Variants in ATRNL1 observed in about 807,000 individuals in gnomAD.
The protein encoded by ATRNL1 is attractin like 1, also known as attractin-like protein 1.
A neutral mutation model predicts 182.7 loss-of-function variants in ATRNL1; 95 were observed. That is an observed-to-expected ratio of 0.52 (90% confidence interval 0.44 to 0.62). The LOEUF is 0.62. Among genes scored for constraint, ATRNL1 ranks in the 20% least tolerant of loss-of-function variants. The probability of loss-of-function intolerance (pLI) is 0.00; values close to 1 mark genes in which losing one functional copy is unlikely to be tolerated. For missense variants in ATRNL1, 1,471 were observed against 1,679.5 expected (o/e 0.88, Z 2.17); for synonymous variants, 576 against 568.3 (o/e 1.01, Z -0.19).
At chr10:115,874,105 G>A (rs1951646337) in intron 28 of ATRNL1, among the ~76,000 whole-genome samples, 1 of 152,114 alleles carries the variant, frequency 6.6e-6, no homozygotes, top group East Asian at 1.9e-4. Context: ...GTCAACTTGG[G>A]GAAAGTCATG....
chr10:115,236,452 C>A (rs1554901439), intron 9 of ATRNL1, among the ~76,000 whole-genome samples: 1 of 152,140 alleles, frequency 6.6e-6, no homozygotes, highest in Non-Finnish European at 1.5e-5. Context: ...TTTTATGCTT[C>A]ATACATTACA....
chr10:115,623,649 A>T (rs74452884), intron 26 of ATRNL1, among the ~76,000 whole-genome samples: 6,788 of 152,226 alleles, frequency 0.045, 466 homozygotes, highest in African/African-American at 0.15. Flanking sequence ...AAAAATTTTT[A>T]AAAAATTAAA....
chr10:115,214,067 C>CACACACAT (rs1297035795), intron 8 of ATRNL1, among the ~76,000 whole-genome samples: 59 of 150,122 alleles, frequency 3.9e-4, no homozygotes, highest in African/African-American at 1.3e-3. Context: ...CACACACACA[C>CACACACAT]ATATATATAA....
chr10:115,249,286 G>C (rs907784226), intron 10 of ATRNL1, among the ~76,000 whole-genome samples: 1 of 152,018 alleles, frequency 6.6e-6, no homozygotes, highest in African/African-American at 2.4e-5. Flanking sequence ...GAGCCACCGT[G>C]CCTGGCCAAA....
At chr10:115,320,372 T>C (rs1854521461) in intron 18 of ATRNL1, among the ~76,000 whole-genome samples, 1 of 152,104 alleles carries the variant, frequency 6.6e-6, no homozygotes, top group Non-Finnish European at 1.5e-5. Context: ...TTATGTGTCT[T>C]TGGTTGATCT....
At chr10:115,447,974 T>C (rs565077691) in intron 21 of ATRNL1, among the ~76,000 whole-genome samples, 1 of 152,196 alleles carries the variant, frequency 6.6e-6, no homozygotes, top group African/African-American at 2.4e-5. Context: ...TTGCATTTTC[T>C]TTATGACTAA....
chr10:115,592,342 C>T (rs1460463782), intron 26 of ATRNL1, among the ~76,000 whole-genome samples: 2 of 152,108 alleles, frequency 1.3e-5, no homozygotes, highest in Admixed American at 6.6e-5. Flanking sequence ...AACAAGAGAT[C>T]GCCAGTGATG....
intron 24 of ATRNL1, among the ~76,000 whole-genome samples, chr10:115,491,149 C>T (rs1849281148): frequency 6.6e-6 from 1 of 152,134 alleles, no homozygotes; most frequent in Non-Finnish European, 1.5e-5. Flanking sequence ...CCAGAGCTCT[C>T]CTGTATGAGG....
intron 27 of ATRNL1, among the ~76,000 whole-genome samples, chr10:115,789,344 G>A (rs1355400882): frequency 6.6e-6 from 1 of 152,136 alleles, no homozygotes; most frequent in Non-Finnish European, 1.5e-5. Flanking sequence ...GAGAAAGTTG[G>A]TACTGTATCT....
At chr10:115,583,816 C>G (rs1364365152) in intron 26 of ATRNL1, among the ~76,000 whole-genome samples, 2 of 150,348 alleles carry the variant, frequency 1.3e-5, no homozygotes, top group Non-Finnish European at 3.0e-5. Flanking sequence ...AGAGGGCATC[C>G]CTGTCTTGTG....
intron 1 of ATRNL1, among the ~76,000 whole-genome samples, chr10:115,110,260 CT>C (rs1844200805): frequency 6.6e-6 from 1 of 152,116 alleles, no homozygotes; most frequent in South Asian, 2.1e-4. Context: ...TTTTCTTACT[CT>C]AATCACATGA....
rs150888807 is a variant in ATRNL1, at chr10:115,877,997, C to T, written c.4018+30006C>T. Among the ~76,000 whole-genome samples, 552 of 152,254 alleles carry T rather than the reference C, an allele frequency of 3.6e-3. 5 individuals are homozygous for T. The highest frequency in any genetic ancestry group is 0.012 in the African/African-American group (496 of 41,546). On this transcript the variant is annotated intron_variant, in intron 28 of 28. Coordinates refer to ENST00000355044, the MANE Select transcript of ATRNL1 (RefSeq NM_207303.4). ...TCTGCAGTATCCTTCCCTCTTAAGA[C>T]GACTCCCAGATCAGAGGGGAGCAGC...
At chr10:115,186,186 C>G (rs1341140582) in intron 8 of ATRNL1, among the ~76,000 whole-genome samples, 1 of 151,868 alleles carries the variant, frequency 6.6e-6, no homozygotes, top group South Asian at 2.1e-4. Flanking sequence ...AGACATTTCT[C>G]AAAGAAGACA....
At chr10:115,844,515 A>AT (rs1213620657) in intron 27 of ATRNL1, among the ~76,000 whole-genome samples, 1 of 152,000 alleles carries the variant, frequency 6.6e-6, no homozygotes, top group South Asian at 2.1e-4. Context: ...CTCTGGTAAC[A>AT]TTTTTTTCTG....
intron 5 of ATRNL1, among the ~76,000 whole-genome samples, chr10:115,136,455 C>T (rs1157302164): frequency 2.0e-5 from 3 of 152,134 alleles, no homozygotes; most frequent in Admixed American, 2.0e-4. Flanking sequence ...CATTATCAAC[C>T]AAAGTCATAG....
At chr10:115,524,821 TG>T (rs1305794354) in intron 25 of ATRNL1, among the ~76,000 whole-genome samples, 9 of 152,190 alleles carry the variant, frequency 5.9e-5, no homozygotes, top group Non-Finnish European at 1.5e-5. Context: ...CCCCACCCCA[TG>T]AACACCCCAA....
At chr10:115,304,452 G>A (rs1204104425) in intron 17 of ATRNL1, among the ~76,000 whole-genome samples, 4 of 152,108 alleles carry the variant, frequency 2.6e-5, no homozygotes, top group Non-Finnish European at 4.4e-5. Flanking sequence ...TAAACAATAC[G>A]GACACACGTG....
intron 21 of ATRNL1, among the ~76,000 whole-genome samples, chr10:115,447,252 T>G (rs1847046022): frequency 6.6e-6 from 1 of 151,838 alleles, no homozygotes; most frequent in African/African-American, 2.4e-5. Flanking sequence ...CAAGCTTTAA[T>G]AAAGCTTAAC....
At chr10:115,296,292 T>TC (rs1853185862) in intron 15 of ATRNL1, among the ~76,000 whole-genome samples, 1 of 151,970 alleles carries the variant, frequency 6.6e-6, no homozygotes, top group African/African-American at 2.4e-5. Flanking sequence ...GCATCTCCAC[T>TC]CCCCCACTGC....
Sources: gnomAD v4.1 joint callset for allele counts (sites outside exome capture counted in the v4.1 genomes callset) on GRCh38, gnomAD v4.1.1 for gene constraint, MANE v1.5 for transcripts, NCBI Gene and HGNC (gene_info 2026-07-23, HGNC 2026-07-21) for gene names.